NOL7: variants seen among roughly 807,000 people sequenced by gnomAD.
NOL7 encodes the protein U3 small nucleolar RNA-associated protein NOL7.
A neutral mutation model predicts 38.4 loss-of-function variants in NOL7; 36 were observed. The observed-to-expected ratio is 0.94, with a 90% CI of 0.72 to 1.24. The LOEUF is 1.24. Ranked by LOEUF, NOL7 falls within the 50% of genes most tolerant of loss-of-function variation. NOL7 has a pLI of 0.00. For missense variants in NOL7, 350 were observed against 315.1 expected (o/e 1.11, Z -0.84); for synonymous variants, 142 against 126.5 (o/e 1.12, Z -0.82).
chr6:13,615,721 G>T lies in NOL7; in HGVS notation c.276G>T (p.Thr92=), dbSNP rs1170592373. The change falls in exon 2 of 8, where the codon ACG becomes ACT. Residue 92 remains threonine (T), a synonymous_variant. Transcript: ENST00000451315. The stretch of plus-strand genomic sequence containing the variant: ...TCACCCTTCCTCCCAGGGATAAAAC[G>T]CTCCTGAAGGAGAAGAGGAAGCGAC... The part of the protein sequence containing the change: ...RVRETVRRDK[T]LLKEKRKRRE... 1 of 1,614,252 alleles carries T rather than the reference G, an allele frequency of 6.2e-7. No individual in the cohort carries two copies. Among genetic ancestry groups the T allele is most frequent in the Non-Finnish European group, 8.5e-7 (1 of 1,180,050 alleles).
intron 7 of NOL7, 113 bp from the exon 8 acceptor site, chr6:13,620,640 TC>T: frequency 7.2e-6 from 7 of 967,796 alleles, no homozygotes; most frequent in Non-Finnish European, 1.1e-5. Context: ...TGTATATACA[TC>T]TAAAGTATAA....
rs375111860 is a variant in NOL7 at position 13,617,738 on chromosome 6, T to C, written c.387-32T>C. 1.6e-5 allele frequency: 25 copies of C among 1,608,856 alleles called. No individual in the cohort carries two copies. The African/African-American group carries it at 3.2e-4, about 21-fold the overall frequency. On this transcript the variant is annotated intron_variant, in intron 3 of 7. Coordinates refer to ENST00000451315, the MANE Select transcript of NOL7 (RefSeq NM_016167.5). The stretch of plus-strand genomic sequence containing the variant: ...ATGTTTTGAGTAATCTTTACTGCCA[T>C]TGCAGTCAGTGGTTTTGTTTTTTTT...
chr6:13,631,472 A>C (rs1022220250), intron 8 of NOL7, among the ~76,000 whole-genome samples: 2 of 152,176 alleles, frequency 1.3e-5, no homozygotes, highest in Admixed American at 1.3e-4. Context: ...CTTGTGTATC[A>C]TGTCGGCACT....
At chr6:13,625,819 A>C, downstream of NOL7, 2 of 1,287,344 alleles carry the variant, frequency 1.6e-6, no homozygotes, top group Non-Finnish European at 2.3e-6. Flanking sequence ...TATTATGCTC[A>C]CAAATGTTTC....
downstream of NOL7, among the ~76,000 whole-genome samples, chr6:13,626,675 G>A (rs114670771): frequency 0.011 from 1,709 of 152,310 alleles, 23 homozygotes; most frequent in African/African-American, 0.038. Context: ...TTGGAAGGCA[G>A]ACATGGAGAG....
chr6:13,619,922 C>T (rs535511607), intron 5 of NOL7, among the ~76,000 whole-genome samples: 85 of 152,232 alleles, frequency 5.6e-4, no homozygotes, highest in African/African-American at 1.9e-3. Flanking sequence ...TTTGGGAGGC[C>T]GAGGCTGGTG....
intron 5 of NOL7, among the ~76,000 whole-genome samples, chr6:13,618,409 G>A (rs1051134573): frequency 7.9e-5 from 12 of 151,192 alleles, no homozygotes; most frequent in South Asian, 6.3e-4. Flanking sequence ...CACCGCGCCC[G>A]GCTAATTTTT....
At chr6:13,629,924 G>C (rs1764732934) in intron 8 of NOL7, among the ~76,000 whole-genome samples, 1 of 107,374 alleles carries the variant, frequency 9.3e-6, no homozygotes, top group African/African-American at 3.1e-5. Flanking sequence ...TCTCTCTCGT[G>C]TGTGTGTGTG....
downstream of NOL7, among the ~76,000 whole-genome samples, chr6:13,622,702 A>C (rs1420220465): frequency 6.6e-6 from 1 of 152,234 alleles, no homozygotes; most frequent in Admixed American, 6.5e-5. Context: ...ATTCAACTAT[A>C]AGATAAACTC....
intron 8 of NOL7, chr6:13,632,225 C>T (rs1764807409): frequency 2.4e-6 from 1 of 409,826 alleles, no homozygotes; most frequent in African/African-American, 2.4e-5. Context: ...TCAAATATTT[C>T]CACTCTCAGA....
chr6:13,628,420 T>C (rs1262635609), intron 8 of NOL7, among the ~76,000 whole-genome samples: 2 of 152,092 alleles, frequency 1.3e-5, no homozygotes, highest in East Asian at 1.9e-4. Context: ...AAAAGCATGG[T>C]TGGAAACATG....
chr6:13,615,574 C>A lies in NOL7; in HGVS notation c.216C>A (p.Ala72=). The part of the protein sequence containing the change: ...EAPEELTFAS[A]QAEAREEERR... The stretch of plus-strand genomic sequence containing the variant: ...CGGAGGAGCTGACTTTCGCCAGCGC[C>A]CAGGCGGAAGCGAGAGAAGAGGAGC... Residue 72 remains alanine (A), a synonymous_variant, in exon 1 of 8, where the codon GCC becomes GCA. Transcript: ENST00000451315. The A allele has an allele frequency of 7.0e-6, 11 of 1,572,006 alleles. No individual in the cohort carries two copies. The highest frequency in any genetic ancestry group is 9.5e-6 in the Non-Finnish European group (11 of 1,157,226).
intron 8 of NOL7, chr6:13,632,378 T>C: frequency 1.2e-6 from 2 of 1,603,756 alleles, no homozygotes; most frequent in Middle Eastern, 1.7e-4. Flanking sequence ...ACCTTCAACA[T>C]TTTTTTGTTT....
chr6:13,631,367 T>C (rs1236982515), intron 8 of NOL7, among the ~76,000 whole-genome samples: 1 of 152,194 alleles, frequency 6.6e-6, no homozygotes, highest in Non-Finnish European at 1.5e-5. Context: ...CCTACACTTG[T>C]GCTATGTTTC....
intron 8 of NOL7, chr6:13,632,376 C>T (rs1162424702): frequency 2.5e-6 from 4 of 1,606,546 alleles, no homozygotes; most frequent in Non-Finnish European, 3.4e-6. Context: ...TCACCTTCAA[C>T]ATTTTTTTGT....
At chr6:13,626,681 G>C (rs978682980), downstream of NOL7, among the ~76,000 whole-genome samples, 2 of 152,336 alleles carry the variant, frequency 1.3e-5, no homozygotes, top group South Asian at 4.1e-4. Context: ...GGCAGACATG[G>C]AGAGTTGCTG....
chr6:13,632,331 C>T, intron 8 of NOL7: 1 of 1,589,888 alleles, frequency 6.3e-7, no homozygotes, highest in Non-Finnish European at 8.6e-7. Context: ...TTTAGTTCCT[C>T]TGACATATTC....
intron 6 of NOL7, 29 bp from the exon 7 acceptor site, chr6:13,620,377 CTG>C (rs759713374): frequency 4.1e-5 from 66 of 1,613,578 alleles, no homozygotes; most frequent in African/African-American, 2.8e-4. Flanking sequence ...GCAAATAAAA[CTG>C]TGAAATGATA....
chr6:13,626,264 C>T (rs1323052976), downstream of NOL7, among the ~76,000 whole-genome samples: 6 of 152,208 alleles, frequency 3.9e-5, no homozygotes, highest in African/African-American at 1.2e-4. Flanking sequence ...TTTATGCATT[C>T]AGTATTTCCA....
Sources: gnomAD v4.1 joint callset for allele counts (sites outside exome capture counted in the v4.1 genomes callset) on GRCh38, gnomAD v4.1.1 for gene constraint, MANE v1.5 for transcripts, NCBI Gene and HGNC (gene_info 2026-07-23, HGNC 2026-07-21) for gene names.